Variants in ROR1 observed in about 807,000 individuals in gnomAD.
The protein encoded by ROR1 is inactive tyrosine-protein kinase transmembrane receptor ROR1.
A neutral mutation model predicts 78.8 loss-of-function variants in ROR1; 19 were observed. That is an observed-to-expected ratio of 0.24 (90% CI 0.17 to 0.35). The LOEUF (loss-of-function observed/expected upper bound fraction) is 0.35, where lower values mean the gene tolerates loss of function less well. Among genes scored for constraint, ROR1 ranks in the 10% least tolerant of loss-of-function variants. ROR1 has a pLI of 1.00. For synonymous variants in ROR1, 386 were observed against 433.6 expected (o/e 0.89, Z 1.36); for missense variants, 917 against 1,177.8 (o/e 0.78, Z 3.24).
chr1:63,947,324 A>T (rs1354798208), intron 1 of ROR1, among the ~76,000 whole-genome samples: 1 of 152,230 alleles, frequency 6.6e-6, no homozygotes, highest in African/African-American at 2.4e-5. Context: ...TGGCATTCTT[A>T]GAACTATAAT....
chr1:63,938,185 T>C (rs982273581), intron 1 of ROR1, among the ~76,000 whole-genome samples: 1 of 152,220 alleles, frequency 6.6e-6, no homozygotes, highest in Non-Finnish European at 1.5e-5. Flanking sequence ...AGCAGAATTT[T>C]TTCTTCTCAT....
intron 2 of ROR1, among the ~76,000 whole-genome samples, chr1:64,030,252 A>G (rs1646650056): frequency 6.6e-6 from 1 of 152,154 alleles, no homozygotes; most frequent in Non-Finnish European, 1.5e-5. Flanking sequence ...CCCATCTCCA[A>G]GTGTTGGAAG....
At chr1:63,889,884 A>G (rs1302344008) in intron 1 of ROR1, among the ~76,000 whole-genome samples, 2 of 152,182 alleles carry the variant, frequency 1.3e-5, no homozygotes, top group Non-Finnish European at 2.9e-5. Flanking sequence ...TCTTATTTAA[A>G]AATATTTTGA....
intron 2 of ROR1, among the ~76,000 whole-genome samples, chr1:64,044,842 G>T (rs1420333799): frequency 2.6e-5 from 4 of 152,116 alleles, no homozygotes; most frequent in African/African-American, 9.7e-5. Flanking sequence ...GAAACTTTTA[G>T]CCACCATCAC....
intron 4 of ROR1, among the ~76,000 whole-genome samples, chr1:64,051,151 A>T (rs1350709990): frequency 6.6e-6 from 1 of 152,020 alleles, no homozygotes; most frequent in Non-Finnish European, 1.5e-5. Context: ...CCTTTAAAGA[A>T]CTCAAAAGCA....
chr1:63,857,936 A>T (rs560092570), intron 1 of ROR1, among the ~76,000 whole-genome samples: 3 of 152,334 alleles, frequency 2.0e-5, no homozygotes, highest in Admixed American at 6.5e-5. Context: ...GCAGTAGGAT[A>T]TAAGTAGGAT....
At chr1:64,096,266 A>G (rs1432005106) in intron 4 of ROR1, among the ~76,000 whole-genome samples, 2 of 151,992 alleles carry the variant, frequency 1.3e-5, no homozygotes, top group Non-Finnish European at 2.9e-5. Flanking sequence ...GTACTTGTGC[A>G]GGATGTGCAG....
intron 1 of ROR1, among the ~76,000 whole-genome samples, chr1:63,918,240 A>T (rs1569907822): frequency 1.3e-5 from 2 of 152,182 alleles, no homozygotes; most frequent in African/African-American, 4.8e-5. Flanking sequence ...CCTGAGTCAG[A>T]ATAGTGGAAG....
intron 8 of ROR1, among the ~76,000 whole-genome samples, chr1:64,174,374 A>T (rs1041237285): frequency 6.6e-6 from 1 of 152,210 alleles, no homozygotes; most frequent in Non-Finnish European, 1.5e-5. Context: ...AGTAAGTGCT[A>T]TGTAAGTATT....
chr1:63,939,425 T>G (rs1415702398), intron 1 of ROR1, among the ~76,000 whole-genome samples: 1 of 152,120 alleles, frequency 6.6e-6, no homozygotes, highest in African/African-American at 2.4e-5. Flanking sequence ...AAGTAAAAAT[T>G]TTGCTTATTT....
At chr1:63,789,143 T>C (rs1307895373) in intron 1 of ROR1, 1 of 600,314 alleles carries the variant, frequency 1.7e-6, no homozygotes, top group East Asian at 4.0e-5. Flanking sequence ...GGACAGTCAT[T>C]GGCTTGCGGA....
intron 1 of ROR1, among the ~76,000 whole-genome samples, chr1:63,787,674 C>T (rs1039554244): frequency 1.3e-5 from 2 of 152,066 alleles, no homozygotes; most frequent in African/African-American, 4.8e-5. Flanking sequence ...TTACAGGCAC[C>T]TGCCACCATG....
chr1:63,855,352 T>G (rs1466995658), intron 1 of ROR1, among the ~76,000 whole-genome samples: 1 of 152,224 alleles, frequency 6.6e-6, no homozygotes, highest in Non-Finnish European at 1.5e-5. Context: ...ATCAAGATTG[T>G]AAATTCTTGG....
intron 1 of ROR1, chr1:63,843,064 G>A: frequency 4.0e-6 from 2 of 503,046 alleles, no homozygotes; most frequent in Non-Finnish European, 7.3e-6. Flanking sequence ...CAACTGGAGT[G>A]AAGGGATTGC....
intron 4 of ROR1, among the ~76,000 whole-genome samples, chr1:64,122,838 A>G (rs1401566985): frequency 2.0e-5 from 3 of 152,150 alleles, no homozygotes; most frequent in African/African-American, 7.2e-5. Flanking sequence ...TTTTGCTTTT[A>G]ATGAATGATC....
At chr1:63,960,949 A>C (rs1306597771) in intron 1 of ROR1, among the ~76,000 whole-genome samples, 1 of 152,228 alleles carries the variant, frequency 6.6e-6, no homozygotes, top group Non-Finnish European at 1.5e-5. Context: ...GAGAATTAAC[A>C]TGACTATGAC....
chr1:63,790,125 A>G (rs1391293071), intron 1 of ROR1, among the ~76,000 whole-genome samples: 2 of 152,106 alleles, frequency 1.3e-5, no homozygotes, highest in Non-Finnish European at 2.9e-5. Context: ...AATAACCTTC[A>G]TTATAATTTG....
Position 64,032,340 on chromosome 1 carries a change from C to CA in ROR1, c.164-17328dup, listed in dbSNP as rs66602515. ...CAGTTGGCAAAGTGAGACTCCGTCT[C>CA]AAAAAAAAAAAAAAAAAAAAAAATG... On this transcript the variant is annotated intron_variant, in intron 2 of 8. Coordinates refer to ENST00000371079, the MANE Select transcript of ROR1 (RefSeq NM_005012.4). 8.5e-3 allele frequency among the ~76,000 whole-genome samples: 641 copies of CA among 75,602 alleles called. 4 individuals are homozygous for CA. Among genetic ancestry groups the CA allele is most frequent in the East Asian group, 0.028 (74 of 2,620 alleles). The allele number at this position is 75,602 out of a possible 152,430, so 49.6% of individuals were successfully genotyped here.
At chr1:63,777,926 T>C (rs948629247) in intron 1 of ROR1, among the ~76,000 whole-genome samples, 1 of 152,230 alleles carries the variant, frequency 6.6e-6, no homozygotes, top group Non-Finnish European at 1.5e-5. Flanking sequence ...GTATGCAAAA[T>C]TCTGATATAT....
Sources: allele counts gnomAD v4.1 joint callset (sites outside exome capture counted in the v4.1 genomes callset), GRCh38; gene constraint gnomAD v4.1.1; transcripts MANE v1.5; gene names NCBI Gene and HGNC (gene_info 2026-07-23, HGNC 2026-07-21).